The following GLI3 variants were observed in gnomAD, a reference collection of about 807,000 sequenced individuals.
The protein encoded by GLI3 is GLI family zinc finger 3.
GLI3 carries 20 observed loss-of-function variants against 100.8 expected under a neutral mutation model. That is an observed-to-expected ratio of 0.20 (90% CI 0.14 to 0.29). The LOEUF is 0.29. Ranked by LOEUF, GLI3 falls within the 10% of genes least tolerant of loss-of-function variation. The pLI is 1.00. For synonymous variants in GLI3, 938 were observed against 860.5 expected, an observed-to-expected ratio of 1.09 and a Z score of -1.58; for missense variants, 2,040 against 2,128.5, an observed-to-expected ratio of 0.96 and a Z score of 0.82.
At chr7:41,968,504 C>A (rs1026417889) in intron 13 of GLI3, among the ~76,000 whole-genome samples, 4 of 152,006 alleles carry the variant, frequency 2.6e-5, no homozygotes, top group Admixed American at 2.0e-4. Flanking sequence ...ACATTACCTC[C>A]TCCAACAAGA....
intron 1 of GLI3, among the ~76,000 whole-genome samples, chr7:42,233,588 A>T (rs1447483176): frequency 1.3e-5 from 2 of 152,250 alleles, no homozygotes; most frequent in African/African-American, 4.8e-5. Flanking sequence ...AAAAATCATC[A>T]AAGTGTGAAA....
chr7:41,988,482 G>C (rs1453489278), intron 10 of GLI3, among the ~76,000 whole-genome samples: 1 of 124,010 alleles, frequency 8.1e-6, no homozygotes, highest in African/African-American at 2.9e-5. Context: ...AAAGGGGGGG[G>C]GGGTGGGGCC....
chr7:42,084,901 C>CTTTTTTTT lies in GLI3; in HGVS notation c.368-8052_368-8045dup, dbSNP rs747166719. The stretch of plus-strand genomic sequence containing the variant: ...AGCTCTAAAAATATGCATTTGGATT[C>CTTTTTTTT]TTTTTTTTTTTTTTTTTTTTTTTTT... On this transcript the variant is annotated intron_variant, in intron 3 of 14. Transcript: ENST00000395925. 2.3e-3 allele frequency among the ~76,000 whole-genome samples: 107 copies of CTTTTTTTT among 47,516 alleles called. 10 individuals carry two copies. The highest frequency in any genetic ancestry group is 0.01 in the African/African-American group (96 of 9,596). 31.2% of individuals were successfully genotyped at this position (47,516 alleles called of 152,430 possible).
chr7:42,040,315 G>C, intron 6 of GLI3, 76 bp from the exon 7 acceptor site: 1 of 1,083,894 alleles, frequency 9.2e-7, no homozygotes, highest in Admixed American at 1.8e-5. Context: ...ACTTGCCTAC[G>C]TGGAAGAAGT....
At position 42,153,207 on chromosome 7, in the gene GLI3, C is replaced by T. The variant is rs369676470; in HGVS notation, c.125-4739G>A. Reference sequence around the variant, plus strand: ...CAAGTTTCAAAGTCCTTTTTCCTCCCGCAGTGTCACAGAAGGATTTGAAAA... The same window carrying T: ...CAAGTTTCAAAGTCCTTTTTCCTCCTGCAGTGTCACAGAAGGATTTGAAAA... On this transcript the variant is annotated intron_variant, in intron 2 of 14. Transcript: ENST00000395925. Among the ~76,000 whole-genome samples the T allele has an allele frequency of 1.6e-4, 25 of 152,192 alleles. No homozygotes were observed. In the South Asian group the frequency reaches 4.8e-3, roughly 29 times the overall value.
chr7:42,150,763 T>A (rs1583601353), intron 2 of GLI3, among the ~76,000 whole-genome samples: 1 of 152,214 alleles, frequency 6.6e-6, no homozygotes, highest in Admixed American at 6.5e-5. Context: ...GGCATCCCTA[T>A]AATAAACCCT....
At chr7:42,233,442 C>T (rs190641108) in intron 1 of GLI3, among the ~76,000 whole-genome samples, 1 of 152,332 alleles carries the variant, frequency 6.6e-6, no homozygotes, top group Non-Finnish European at 1.5e-5. Flanking sequence ...ATAAGAACCT[C>T]CACTGCCCAT....
At chr7:42,262,225 T>TTCCTTCCTGCC (rs1789151410) in intron 1 of GLI3, among the ~76,000 whole-genome samples, 1 of 118,700 alleles carries the variant, frequency 8.4e-6, no homozygotes, top group African/African-American at 3.4e-5. Context: ...TCCTTCCTTC[T>TTCCTTCCTGCC]TTCCTTCCTT....
intron 2 of GLI3, among the ~76,000 whole-genome samples, chr7:42,175,545 G>C (rs1352308439): frequency 2.6e-5 from 4 of 151,968 alleles, no homozygotes; most frequent in Non-Finnish European, 5.9e-5. Context: ...TGGAACCTGG[G>C]AGGCAAAGGT....
rs1562698638 is a variant in GLI3, at chr7:42,040,221, G to A, written c.845C>T (p.Pro282Leu). Residue 282 changes from proline (P) to leucine (L), a missense_variant, in exon 7 of 15, where the codon CCC becomes CTC. Transcript: ENST00000395925. ...TCGGCTCGGCCTGGCTGACAGCCTG[G>A]GGCTGGAGAATCTGGTGCCTGTTAT... Reference protein sequence around the residue: ...HAMDSTRFSSPRLSARPSRKR... With the variant: ...HAMDSTRFSSLRLSARPSRKR... The A allele has an allele frequency of 6.2e-7, 1 of 1,613,560 alleles. No homozygotes were observed. Among genetic ancestry groups the A allele is most frequent in the Non-Finnish European group, 8.5e-7 (1 of 1,179,498 alleles).
At chr7:41,982,374 A>C (rs989467922) in intron 10 of GLI3, among the ~76,000 whole-genome samples, 1 of 152,178 alleles carries the variant, frequency 6.6e-6, no homozygotes, top group Non-Finnish European at 1.5e-5. Flanking sequence ...AATTCTAAGA[A>C]CTCACAGACT....
chr7:41,981,572 G>A (rs1787669665), intron 10 of GLI3, among the ~76,000 whole-genome samples: 1 of 152,162 alleles, frequency 6.6e-6, no homozygotes, highest in African/African-American at 2.4e-5. Flanking sequence ...ACCCTAGAAA[G>A]AAAGGGAAGG....
chr7:42,094,189 A>G (rs1785288571), intron 3 of GLI3, among the ~76,000 whole-genome samples: 1 of 152,198 alleles, frequency 6.6e-6, no homozygotes, highest in South Asian at 2.1e-4. Flanking sequence ...TAGCTCTTCA[A>G]CGATGCTGAC....
At chr7:42,239,079 G>A (rs1788894814), upstream of GLI3, among the ~76,000 whole-genome samples, 1 of 152,234 alleles carries the variant, frequency 6.6e-6, no homozygotes, top group Admixed American at 6.5e-5. Context: ...ACAGACTTAA[G>A]GTTTTATGGT....
chr7:41,966,848 G>C lies in GLI3; in HGVS notation c.2432-207C>G, dbSNP rs1787199857. Among the ~76,000 whole-genome samples, 1 of 152,070 alleles carries C rather than the reference G, an allele frequency of 6.6e-6. No homozygotes were observed. Among genetic ancestry groups the C allele is most frequent in the African/African-American group, 2.4e-5 (1 of 41,398 alleles). Reference sequence around the variant, plus strand: ...AGCAGTGAGCAAGCAAGCGTGGCGGGGTGTCCATGAAGCTTCCTTTACAAA... The same window carrying C: ...AGCAGTGAGCAAGCAAGCGTGGCGGCGTGTCCATGAAGCTTCCTTTACAAA... On this transcript the variant is annotated intron_variant, in intron 14 of 14. Transcript: ENST00000395925. The surrounding 1 kb of genome is among the most constrained non-coding windows in gnomAD (Gnocchi z 5.8).
intron 3 of GLI3, among the ~76,000 whole-genome samples, chr7:42,127,269 A>G (rs370410545): frequency 4.6e-5 from 7 of 152,330 alleles, no homozygotes; most frequent in East Asian, 1.9e-4. Context: ...ATGCTCTTCT[A>G]TCCAAGCTGG....
intron 4 of GLI3, among the ~76,000 whole-genome samples, chr7:42,058,769 T>A (rs976803867): frequency 2.2e-4 from 33 of 152,250 alleles, no homozygotes; most frequent in African/African-American, 8.0e-4. Context: ...AGTATCACTG[T>A]ACAAGAGCAG....
chr7:42,172,430 T>C, intron 2 of GLI3: 1 of 624,484 alleles, frequency 1.6e-6, no homozygotes, highest in Non-Finnish European at 2.9e-6. Context: ...AAAGCAGAAT[T>C]AGATAGTAAG....
At chr7:42,216,835 G>A (rs917226850) in intron 2 of GLI3, among the ~76,000 whole-genome samples, 1 of 152,208 alleles carries the variant, frequency 6.6e-6, no homozygotes, top group Non-Finnish European at 1.5e-5. Context: ...AAGAGCCCTT[G>A]CATTTAGCTA....
Sources: gnomAD v4.1 joint callset for allele counts (sites outside exome capture counted in the v4.1 genomes callset) on GRCh38, gnomAD v4.1.1 for gene constraint, Gnocchi (gnomAD v3.1) non-coding constraint, MANE v1.5 for transcripts, NCBI Gene and HGNC (gene_info 2026-07-23, HGNC 2026-07-21) for gene names.